HACD1: variants seen among roughly 807,000 people sequenced by gnomAD.
The protein encoded by HACD1 is very-long-chain (3R)-3-hydroxyacyl-CoA dehydratase 1.
Under a neutral mutation model 32.0 loss-of-function variants are expected in HACD1, and 41 were observed. The observed-to-expected ratio is 1.28, with a 90% CI of 1.00 to 1.66. HACD1 has a LOEUF of 1.66. Ranked by LOEUF, HACD1 falls within the 40% of genes most tolerant of loss-of-function variation. The pLI, the probability that HACD1 is intolerant of heterozygous loss-of-function variation, is 0.00. For missense variants in HACD1, 396 were observed against 380.1 expected (o/e 1.04, Z -0.35); for synonymous variants, 142 against 139.0 (o/e 1.02, Z -0.15).
chr10:17,600,871 G>A (rs1227275611), intron 4 of HACD1, among the ~76,000 whole-genome samples: 2 of 152,122 alleles, frequency 1.3e-5, no homozygotes, highest in African/African-American at 4.8e-5. Flanking sequence ...TCTCTCCCAA[G>A]TATAGGCTCC....
At chr10:17,599,081 C>A in intron 5 of HACD1, 3 of 958,458 alleles carry the variant, frequency 3.1e-6, no homozygotes, top group Non-Finnish European at 4.1e-6. Context: ...TGATTTCACT[C>A]AAAATATTTA....
intron 1 of HACD1, among the ~76,000 whole-genome samples, chr10:17,613,287 T>C (rs1180740069): frequency 6.6e-6 from 1 of 152,048 alleles, no homozygotes; most frequent in African/African-American, 2.4e-5. Flanking sequence ...TTGAAAATTA[T>C]TACAAAAAAA....
intron 1 of HACD1, among the ~76,000 whole-genome samples, chr10:17,609,709 G>A (rs1554817316): frequency 1.3e-5 from 2 of 152,134 alleles, no homozygotes; most frequent in Non-Finnish European, 1.5e-5. Context: ...TTGGAAACCA[G>A]TTTGGCGGTT....
chr10:17,590,309 T>C lies in HACD1; in HGVS notation c.*55A>G. 1.6e-6 allele frequency: 2 copies of C among 1,267,468 alleles called. No homozygotes were observed. Among genetic ancestry groups the C allele is most frequent in the East Asian group, 2.4e-5 (1 of 41,738 alleles). The allele number at this position is 1,267,468 out of a possible 1,614,324, so 78.5% of individuals were successfully genotyped here. On this transcript the variant is annotated 3_prime_UTR_variant, in exon 7 of 7. Transcript: ENST00000361271. ...GTTGTTTATTCTTGTTATTAAAACT[T>C]GGACTCAGGTAATCTTGGTTATTCT...
chr10:17,593,472 T>C (rs1554815751), intron 6 of HACD1, among the ~76,000 whole-genome samples: 1 of 152,120 alleles, frequency 6.6e-6, no homozygotes, highest in Non-Finnish European at 1.5e-5. Context: ...TGCGCCACCA[T>C]GCCCAGTTAA....
At position 17,603,593 on chromosome 10, in the gene HACD1, A is replaced by G. The variant is rs1317349519; in HGVS notation, c.450T>C (p.Phe150=). The change falls in exon 4 of 7, where the codon TTT becomes TTC. Residue 150 remains phenylalanine, a synonymous_variant. Coordinates refer to ENST00000361271, the MANE Select transcript of HACD1 (RefSeq NM_014241.4). ...VTGVQVSSRI[F]MVWLITHSIK... is the part of the protein sequence containing the mutation. Reference sequence around the variant, plus strand: ...TACTGTGAGTAATGAGCCACACCATAAAGATTCTTGAACTCACTTGGACCC... The same window carrying G: ...TACTGTGAGTAATGAGCCACACCATGAAGATTCTTGAACTCACTTGGACCC... 2 of 1,613,468 alleles carry G rather than the reference A, an allele frequency of 1.2e-6. No homozygotes were observed. Among genetic ancestry groups the G allele is most frequent in the Non-Finnish European group, 1.7e-6 (2 of 1,179,480 alleles).
rs576517005 is a variant in HACD1 at position 17,590,097 on chromosome 10, G to GT, written c.*266dup. On this transcript the variant is annotated 3_prime_UTR_variant, in exon 7 of 7. Coordinates refer to ENST00000361271, the MANE Select transcript of HACD1 (RefSeq NM_014241.4). ...ATGTTTCAAAAAAAACTTAGCAAAAGTTTTTTTTTCCCCCAGATAATACAC... is the reference window on the plus strand; with the variant it reads ...ATGTTTCAAAAAAAACTTAGCAAAAGTTTTTTTTTTCCCCCAGATAATACAC... 1.4e-3 allele frequency: 317 copies of GT among 224,998 alleles called. No homozygotes were observed. Among genetic ancestry groups the GT allele is most frequent in the Non-Finnish European group, 1.8e-3 (214 of 116,528 alleles). The allele number at this position is 224,998 out of a possible 1,614,324, so 13.9% of individuals were successfully genotyped here.
intron 1 of HACD1, among the ~76,000 whole-genome samples, chr10:17,616,772 A>C (rs1833091251): frequency 6.6e-6 from 1 of 151,494 alleles, no homozygotes; most frequent in Non-Finnish European, 1.5e-5. Context: ...CTTCAACAGC[A>C]GCGAAGGCAG....
At chr10:17,610,612 T>A (rs1432995843) in intron 1 of HACD1, among the ~76,000 whole-genome samples, 1 of 150,814 alleles carries the variant, frequency 6.6e-6, no homozygotes, top group Non-Finnish European at 1.5e-5. Context: ...GCTACTGCAC[T>A]CCAGAGCCAG....
chr10:17,606,734 A>G (rs181105570), intron 1 of HACD1, among the ~76,000 whole-genome samples: 1 of 152,344 alleles, frequency 6.6e-6, no homozygotes, highest in African/African-American at 2.4e-5. Context: ...ATTGGCAAGA[A>G]GTCAAGTAAA....
At chr10:17,612,927 A>G (rs1341712800) in intron 1 of HACD1, among the ~76,000 whole-genome samples, 2 of 151,540 alleles carry the variant, frequency 1.3e-5, no homozygotes, top group Non-Finnish European at 2.9e-5. Flanking sequence ...TCTCAAAAAA[A>G]AAAAAACAAA....
Position 17,599,376 on chromosome 10 carries a change from G to T in HACD1, c.519C>A (p.Val173=). ...QNEESVVLFL[V]AWTVTEITRY... Reference sequence around the variant, plus strand: ...GAGTGATCTCTGTCACAGTCCACGCGACCAGAAAAAGCACCACACTCTCTT... The same window carrying T: ...GAGTGATCTCTGTCACAGTCCACGCTACCAGAAAAAGCACCACACTCTCTT... Residue 173 remains valine (V), a synonymous_variant, in exon 5 of 7, where the codon GTC becomes GTA. Coordinates refer to ENST00000361271, the MANE Select transcript of HACD1 (RefSeq NM_014241.4). 1 of 1,613,696 alleles carries T rather than the reference G, an allele frequency of 6.2e-7. No homozygotes were observed. The highest frequency in any genetic ancestry group is 8.5e-7 in the Non-Finnish European group (1 of 1,179,938).
chr10:17,616,142 G>A (rs1191719894), intron 1 of HACD1, among the ~76,000 whole-genome samples: 2 of 151,920 alleles, frequency 1.3e-5, no homozygotes, highest in Admixed American at 1.3e-4. Flanking sequence ...GGTGGCGGGC[G>A]CCTGTAGTCC....
chr10:17,615,890 TC>T, intron 1 of HACD1: 1 of 417,730 alleles, frequency 2.4e-6, no homozygotes, highest in Admixed American at 2.6e-5. Context: ...TCGCTTGAAC[TC>T]CGGAGGCTGA....
chr10:17,608,915 T>A (rs1436693167), intron 1 of HACD1, among the ~76,000 whole-genome samples: 1 of 151,864 alleles, frequency 6.6e-6, no homozygotes, highest in Non-Finnish European at 1.5e-5. Flanking sequence ...CAATAACGAG[T>A]CAAGCTGAAA....
At chr10:17,596,219 A>G (rs1554815988) in intron 5 of HACD1, among the ~76,000 whole-genome samples, 2 of 152,176 alleles carry the variant, frequency 1.3e-5, no homozygotes, top group African/African-American at 2.4e-5. Flanking sequence ...AGAGATGGGG[A>G]GAAGGGCAGA....
rs1554816827 is a variant in HACD1 at position 17,604,040 on chromosome 10, C to T, written c.265G>A (p.Val89Ile). 3 of 1,560,906 alleles carry T rather than the reference C, an allele frequency of 1.9e-6. No individual in the cohort carries two copies. In the African/African-American group the frequency reaches 4.2e-5, roughly 22 times the overall value. ...AAACGTACCATGGCAATAGCTAGAACCAACCACCTAAAAAAAAAAAGTATT... is the reference window on the plus strand; with the variant it reads ...AAACGTACCATGGCAATAGCTAGAATCAACCACCTAAAAAAAAAAAGTATT... ...YDIAMTAGWL[V>I]LAIAMVRFYM... The change falls in exon 2 of 7, where the codon GTT becomes ATT. Residue 89 changes from valine (V) to isoleucine (I), a missense_variant. Coordinates refer to ENST00000361271, the MANE Select transcript of HACD1 (RefSeq NM_014241.4).
chr10:17,605,394 G>A lies in HACD1; in HGVS notation c.258-1347C>T, dbSNP rs182042913. Among the ~76,000 whole-genome samples the A allele has an allele frequency of 4.7e-3, 719 of 151,678 alleles. 7 individuals carry two copies. Among genetic ancestry groups the A allele is most frequent in the Non-Finnish European group, 5.7e-3 (389 of 67,924 alleles). ...ACGAAAATTAGCCAAGCATGGTGGCGCACACCTGTAGTCCCAGCTACTCCG... is the reference window on the plus strand; with the variant it reads ...ACGAAAATTAGCCAAGCATGGTGGCACACACCTGTAGTCCCAGCTACTCCG... On this transcript the variant is annotated intron_variant, in intron 1 of 6. Coordinates refer to ENST00000361271, the MANE Select transcript of HACD1 (RefSeq NM_014241.4).
intron 4 of HACD1, among the ~76,000 whole-genome samples, chr10:17,601,713 A>G (rs1293866239): frequency 3.3e-5 from 5 of 152,172 alleles, no homozygotes; most frequent in Non-Finnish European, 7.3e-5. Context: ...TTAAACTAGT[A>G]GGCAAAGTTA....
Sources: allele counts gnomAD v4.1 joint callset (sites outside exome capture counted in the v4.1 genomes callset), GRCh38; gene constraint gnomAD v4.1.1; transcripts MANE v1.5; gene names NCBI Gene and HGNC (gene_info 2026-07-23, HGNC 2026-07-21).